The following SLC28A3 variants were observed in gnomAD, a reference collection of about 807,000 sequenced individuals.
SLC28A3 encodes the protein concentrative Na(+)-nucleoside cotransporter 3.
A neutral mutation model predicts 84.2 loss-of-function variants in SLC28A3; 68 were observed. The ratio of observed to expected loss-of-function variants is 0.81; its 90% confidence interval spans 0.66 to 0.99. The LOEUF is 0.99. Ranked by LOEUF, SLC28A3 falls within the 50% of genes least tolerant of loss-of-function variation. The pLI, the probability that SLC28A3 is intolerant of heterozygous loss-of-function variation, is 0.00. For missense variants in SLC28A3, 712 were observed against 841.5 expected (o/e 0.85, Z 1.90); for synonymous variants, 267 against 303.6 (o/e 0.88, Z 1.25).
Position 84,309,624 on chromosome 9 carries a change from T to C in SLC28A3, c.242+5A>G. 3 of 1,611,460 alleles carry C rather than the reference T, an allele frequency of 1.9e-6. No individual in the cohort carries two copies. Among genetic ancestry groups the C allele is most frequent in the Non-Finnish European group, 1.7e-6 (2 of 1,178,416 alleles). ...TTGGTTATTTCCCTGTTTTAAAGAC[T>C]GTACCCTTTTTGTTGCATCTCCTCA... On this transcript the variant is annotated splice_donor_5th_base_variant and intron_variant, in intron 3 of 17. Coordinates refer to ENST00000376238, the MANE Select transcript of SLC28A3 (RefSeq NM_001199633.2).
intron 15 of SLC28A3, 136 bp downstream of exon 15, chr9:84,280,665 A>T: frequency 1.2e-6 from 1 of 803,746 alleles, no homozygotes; most frequent in South Asian, 1.8e-5. Context: ...ACTAGAGATT[A>T]AAAAAATAGA....
At chr9:84,298,457 A>G (rs1307567655) in intron 6 of SLC28A3, among the ~76,000 whole-genome samples, 1 of 152,190 alleles carries the variant, frequency 6.6e-6, no homozygotes, top group African/African-American at 2.4e-5. Flanking sequence ...ACTTCACTCC[A>G]GCCTGGGCAA....
At position 84,276,334 on chromosome 9, in the gene SLC28A3, T is replaced by C. The variant is rs1293256658; in HGVS notation, c.*1884A>G. The C allele has an allele frequency of 1.3e-5, 2 of 151,830 alleles. No homozygotes were observed. Among genetic ancestry groups the C allele is most frequent in the Non-Finnish European group, 2.9e-5 (2 of 68,010 alleles). 9.4% of individuals were successfully genotyped at this position (151,830 alleles called of 1,614,324 possible). ...TAAATATATTAAAATTAATTTTACT[T>C]GTTTTTTAGCGTGGCTACTAGATCT... On this transcript the variant is annotated 3_prime_UTR_variant, in exon 18 of 18. Transcript: ENST00000376238.
At chr9:84,306,126 G>A (rs1042598686) in intron 3 of SLC28A3, among the ~76,000 whole-genome samples, 1 of 152,124 alleles carries the variant, frequency 6.6e-6, no homozygotes, top group Non-Finnish European at 1.5e-5. Flanking sequence ...TCGTTCCTGT[G>A]TGATGCCTCT....
At chr9:84,344,544 A>G (rs1230474930), upstream of SLC28A3, among the ~76,000 whole-genome samples, 4 of 152,160 alleles carry the variant, frequency 2.6e-5, no homozygotes, top group Non-Finnish European at 5.9e-5. Flanking sequence ...CCTGACTCGC[A>G]TAACATTATG....
intron 14 of SLC28A3, among the ~76,000 whole-genome samples, chr9:84,281,983 A>C (rs984287659): frequency 9.9e-6 from 1 of 101,108 alleles, no homozygotes; most frequent in Non-Finnish European, 2.0e-5. Flanking sequence ...AAAAACAAAC[A>C]AAAAAAACAT....
chr9:84,349,803 T>A, the SLC28A3 span, among the ~76,000 whole-genome samples: 38,083 of 152,110 alleles, frequency 0.25, 5,812 homozygotes, highest in Middle Eastern at 0.37. Context: ...AACATGCAAC[T>A]TATGGATAAA....
chr9:84,308,840 A>G (rs1825886760), intron 3 of SLC28A3, among the ~76,000 whole-genome samples: 1 of 152,188 alleles, frequency 6.6e-6, no homozygotes, highest in Non-Finnish European at 1.5e-5. Context: ...TTCTGGTCCA[A>G]AAAATAAAGA....
chr9:84,311,743 C>T (rs1825995469), intron 2 of SLC28A3, among the ~76,000 whole-genome samples: 1 of 152,076 alleles, frequency 6.6e-6, no homozygotes, highest in Non-Finnish European at 1.5e-5. Flanking sequence ...GTAATCCCAA[C>T]TACACGGGAG....
Position 84,288,168 on chromosome 9 carries a change from G to A in SLC28A3, c.1160C>T (p.Ser387Phe). 6.2e-7 allele frequency: 1 copy of A among 1,614,096 alleles called. No individual in the cohort carries two copies. Among genetic ancestry groups the A allele is most frequent in the Non-Finnish European group, 8.5e-7 (1 of 1,179,934 alleles). ...CATAACTGACGCTGTTAACAAGTGG[G>A]AGGATGGAACCTGCAATTTCAGAAG... ...GAYISFGVPS[S>F]HLLTASVMSA... is the part of the protein sequence containing the mutation. Residue 387 changes from serine (S) to phenylalanine (F), a missense_variant, in exon 12 of 18, where the codon TCC becomes TTC. By Grantham distance (155) the Ser-to-Phe change is radical. Transcript: ENST00000376238.
At chr9:84,307,440 A>AC (rs1825837660) in intron 3 of SLC28A3, among the ~76,000 whole-genome samples, 2 of 150,808 alleles carry the variant, frequency 1.3e-5, no homozygotes, top group South Asian at 2.1e-4. Context: ...CAAAAAAAAA[A>AC]AAAAACAAAA....
chr9:84,313,868 G>GAAAAA (rs754131148), intron 1 of SLC28A3, among the ~76,000 whole-genome samples: 2 of 125,580 alleles, frequency 1.6e-5, no homozygotes, highest in East Asian at 2.3e-4. Flanking sequence ...GACTCTACCT[G>GAAAAA]AAAAAAAAAA....
At chr9:84,281,277 C>CTT (rs1179065548) in intron 14 of SLC28A3, among the ~76,000 whole-genome samples, 2 of 152,114 alleles carry the variant, frequency 1.3e-5, no homozygotes, top group Non-Finnish European at 2.9e-5. Flanking sequence ...TGAAAAAGGA[C>CTT]TTATTCAGAC....
intron 1 of SLC28A3, among the ~76,000 whole-genome samples, chr9:84,326,011 C>T (rs576785695): frequency 3.9e-5 from 6 of 152,256 alleles, no homozygotes; most frequent in Admixed American, 3.9e-4. Context: ...GTAGAAGTAG[C>T]AGCTATCAAA....
At chr9:84,331,191 T>C (rs1481280243) in intron 1 of SLC28A3, among the ~76,000 whole-genome samples, 1 of 152,198 alleles carries the variant, frequency 6.6e-6, no homozygotes, top group African/African-American at 2.4e-5. Context: ...AATATACTTT[T>C]CTTTTTTAAC....
intron 1 of SLC28A3, among the ~76,000 whole-genome samples, chr9:84,334,695 C>A (rs970031700): frequency 2.6e-5 from 4 of 151,472 alleles, no homozygotes; most frequent in African/African-American, 9.7e-5. Flanking sequence ...TCTTCCCCTT[C>A]CCCGCCCCTC....
chr9:84,315,372 T>C (rs1334540569), intron 1 of SLC28A3, among the ~76,000 whole-genome samples: 1 of 152,110 alleles, frequency 6.6e-6, no homozygotes, highest in Non-Finnish European at 1.5e-5. Flanking sequence ...CAGTTTGGAT[T>C]TGGGGTTCTT....
intron 7 of SLC28A3, among the ~76,000 whole-genome samples, chr9:84,297,631 G>A (rs1213079476): frequency 6.6e-6 from 1 of 152,198 alleles, no homozygotes; most frequent in African/African-American, 2.4e-5. Context: ...TTCTCTGTCT[G>A]TGGAAACATC....
rs768335158 is a variant in SLC28A3 at position 84,309,613 on chromosome 9, G to GTTT, written c.242+13_242+15dup. On this transcript the variant is annotated intron_variant, in intron 3 of 17. Transcript: ENST00000376238. ...GGGAGGTAGGCTTGGTTATTTCCCT[G>GTTT]TTTTAAAGACTGTACCCTTTTTGTT... 6.3e-7 allele frequency: 1 copy of GTTT among 1,591,488 alleles called. No individual in the cohort carries two copies. Among genetic ancestry groups the GTTT allele is most frequent in the East Asian group, 2.3e-5 (1 of 43,928 alleles).
Sources: gnomAD v4.1 joint callset for allele counts (sites outside exome capture counted in the v4.1 genomes callset) on GRCh38, gnomAD v4.1.1 for gene constraint, MANE v1.5 for transcripts, NCBI Gene and HGNC (gene_info 2026-07-23, HGNC 2026-07-21) for gene names.